NARS2: variants seen among roughly 807,000 people sequenced by gnomAD.
NARS2 encodes asparaginyl-tRNA synthetase.
NARS2 carries 60 observed loss-of-function variants against 62.9 expected under a neutral mutation model. That is an observed-to-expected ratio of 0.95 (90% CI 0.77 to 1.18). The LOEUF is 1.18. Among genes scored for constraint, NARS2 ranks in the 50% most tolerant of loss-of-function variants. The pLI is 0.00. For synonymous variants in NARS2, 196 were observed against 200.0 expected (o/e 0.98, Z 0.17); for missense variants, 619 against 576.4 (o/e 1.07, Z -0.76).
chr11:78,468,039 GAAAAAA>G (rs779408846), intron 10 of NARS2, among the ~76,000 whole-genome samples: 1 of 86,086 alleles, frequency 1.2e-5, no homozygotes. Flanking sequence ...AGTAAGTATT[GAAAAAA>G]AAAAAAAAAA....
chr11:78,562,000 G>C (rs1382685078), intron 4 of NARS2, among the ~76,000 whole-genome samples: 1 of 152,090 alleles, frequency 6.6e-6, no homozygotes, highest in Non-Finnish European at 1.5e-5. Context: ...ACGCCACTGT[G>C]CTCTAGCCTG....
chr11:78,531,685 T>C (rs1161527550), intron 5 of NARS2, among the ~76,000 whole-genome samples: 1 of 152,262 alleles, frequency 6.6e-6, no homozygotes, highest in Non-Finnish European at 1.5e-5. Flanking sequence ...ATAAGGAATG[T>C]ATATACCTAT....
chr11:78,574,801 G>A lies in NARS2; in HGVS notation c.-313C>T, dbSNP rs923088534. The A allele has an allele frequency of 5.7e-5, 18 of 314,306 alleles. No homozygotes were observed. In the East Asian group the frequency reaches 6.6e-4, roughly 11 times the overall value. The allele number at this position is 314,306 out of a possible 1,614,324, so 19.5% of individuals were successfully genotyped here. ...AATTGTAAACCTACGAACAGAACCC[G>A]GGCCGCAACACGCGCAACCACTCCT... On this transcript the variant is annotated 5_prime_UTR_variant, in exon 1 of 14. Transcript: ENST00000281038.
At chr11:78,494,144 G>A (rs1158569083) in intron 6 of NARS2, among the ~76,000 whole-genome samples, 1 of 152,106 alleles carries the variant, frequency 6.6e-6, no homozygotes, top group Non-Finnish European at 1.5e-5. Context: ...CCATCCAAAT[G>A]GGGAGAAAAA....
At chr11:78,499,056 A>G (rs1430387350) in intron 6 of NARS2, among the ~76,000 whole-genome samples, 1 of 151,570 alleles carries the variant, frequency 6.6e-6, no homozygotes, top group Non-Finnish European at 1.5e-5. Context: ...AGCTGGGACT[A>G]CAGGCGCCCG....
intron 5 of NARS2, among the ~76,000 whole-genome samples, chr11:78,530,315 T>C (rs974095079): frequency 2.6e-5 from 4 of 152,178 alleles, no homozygotes; most frequent in African/African-American, 4.8e-5. Flanking sequence ...ACTAAAGAAT[T>C]GCTTTCCGAA....
chr11:78,573,225 A>C (rs543023767), intron 1 of NARS2: 1 of 152,320 alleles, frequency 6.6e-6, no homozygotes, highest in South Asian at 2.1e-4. Context: ...ACAAAGCAAG[A>C]ACCTACTCAA....
rs1009905018 is a variant in NARS2 at position 78,449,473 on chromosome 11, C to T, written c.1165-5715G>A. On this transcript the variant is annotated intron_variant, in intron 11 of 13. Coordinates refer to ENST00000281038, the MANE Select transcript of NARS2 (RefSeq NM_024678.6). ...AAAACCTTATACCATGGTAGGATAG[C>T]TACGTTAAAAAAAAAAATTTTTTTT... Among the ~76,000 whole-genome samples the T allele has an allele frequency of 1.9e-4, 29 of 151,868 alleles. 1 individual carries two copies.
chr11:78,510,617 G>A (rs1437899604), intron 6 of NARS2, among the ~76,000 whole-genome samples: 1 of 152,060 alleles, frequency 6.6e-6, no homozygotes, highest in Non-Finnish European at 1.5e-5. Flanking sequence ...AACATATACA[G>A]AACACTCTTC....
chr11:78,466,363 A>G (rs939733489), intron 10 of NARS2, among the ~76,000 whole-genome samples: 1 of 151,550 alleles, frequency 6.6e-6, no homozygotes, highest in African/African-American at 2.4e-5. Context: ...TCAGAATCAC[A>G]ATTTTTAATA....
intron 2 of NARS2, among the ~76,000 whole-genome samples, chr11:78,570,941 CAT>C (rs750084717): frequency 1.5e-4 from 23 of 152,110 alleles, no homozygotes; most frequent in Non-Finnish European, 2.8e-4. Context: ...GGGTACCTGA[CAT>C]AATCATGGGA....
chr11:78,550,017 C>T (rs1164703730), intron 5 of NARS2, among the ~76,000 whole-genome samples: 1 of 152,162 alleles, frequency 6.6e-6, no homozygotes, highest in African/African-American at 2.4e-5. Context: ...ACATAAAAGA[C>T]GTCCAACATC....
chr11:78,537,717 G>C (rs1422509249), intron 5 of NARS2, among the ~76,000 whole-genome samples: 4 of 152,204 alleles, frequency 2.6e-5, no homozygotes, highest in African/African-American at 7.2e-5. Flanking sequence ...AGGATTGCTT[G>C]AGCACAGAAG....
intron 6 of NARS2, among the ~76,000 whole-genome samples, chr11:78,498,449 T>C (rs905354459): frequency 3.3e-5 from 5 of 152,168 alleles, no homozygotes; most frequent in Admixed American, 2.6e-4. Context: ...CCGATACTTT[T>C]CCTTATATGA....
At chr11:78,536,055 T>A (rs991486791) in intron 5 of NARS2, among the ~76,000 whole-genome samples, 6 of 152,196 alleles carry the variant, frequency 3.9e-5, no homozygotes, top group Non-Finnish European at 5.9e-5. Flanking sequence ...ATGTACTACA[T>A]ACTGACATTT....
At chr11:78,573,150 A>C (rs1856991470) in intron 1 of NARS2, 1 of 152,252 alleles carries the variant, frequency 6.6e-6, no homozygotes, top group East Asian at 1.9e-4. Flanking sequence ...AAAGTAAAGG[A>C]TATGTGAGGA....
At chr11:78,515,149 T>C (rs1316873940) in intron 6 of NARS2, among the ~76,000 whole-genome samples, 1 of 152,192 alleles carries the variant, frequency 6.6e-6, no homozygotes, top group Non-Finnish European at 1.5e-5. Context: ...ACACAGAACC[T>C]TGGTGAGACT....
chr11:78,455,815 T>A (rs1039489139), intron 11 of NARS2, among the ~76,000 whole-genome samples: 4 of 151,928 alleles, frequency 2.6e-5, no homozygotes, highest in Admixed American at 6.6e-5. Flanking sequence ...TGAGTGACTA[T>A]ACTGCTGCAC....
At chr11:78,444,727 C>CAAAATAAAAA (rs1857694984) in intron 11 of NARS2, among the ~76,000 whole-genome samples, 2 of 92,416 alleles carry the variant, frequency 2.2e-5, no homozygotes, top group African/African-American at 3.6e-5. Flanking sequence ...TCAAACAAAA[C>CAAAATAAAAA]AAAAAAAAAA....
Sources: gnomAD v4.1 joint callset for allele counts (sites outside exome capture counted in the v4.1 genomes callset) on GRCh38, gnomAD v4.1.1 for gene constraint, MANE v1.5 for transcripts, NCBI Gene and HGNC (gene_info 2026-07-23, HGNC 2026-07-21) for gene names.